Variants in PALD1 observed in about 807,000 individuals in gnomAD.
The protein encoded by PALD1 is paladin.
PALD1 carries 57 observed loss-of-function variants against 96.0 expected under a neutral mutation model. That is an observed-to-expected ratio of 0.59 (90% CI 0.48 to 0.74). The LOEUF is 0.74. Ranked by LOEUF, PALD1 falls within the 30% of genes least tolerant of loss-of-function variation. The probability of loss-of-function intolerance (pLI) is 0.00; values close to 1 mark genes in which losing one functional copy is unlikely to be tolerated. For missense variants in PALD1, 1,063 were observed against 1,143.7 expected, an observed-to-expected ratio of 0.93 and a Z score of 1.02; for synonymous variants, 464 against 473.6, an observed-to-expected ratio of 0.98 and a Z score of 0.26.
chr10:70,469,255 TC>T, the PALD1 span, among the ~76,000 whole-genome samples: 2 of 152,152 alleles, frequency 1.3e-5, no homozygotes, highest in Admixed American at 1.3e-4. Flanking sequence ...CCTTAAACCC[TC>T]CGAGGGGGCT....
Position 70,486,021 on chromosome 10 carries a change from C to T in PALD1, c.-30+6962C>T, listed in dbSNP as rs77045265. The T allele has an allele frequency of 6.4e-3, 1,421 of 221,138 alleles. 30 individuals carry two copies. Among genetic ancestry groups the T allele is most frequent in the African/African-American group, 0.031 (1,361 of 43,280 alleles). 13.7% of individuals were successfully genotyped at this position (221,138 alleles called of 1,614,324 possible). ...ATGAGGCAAGCTGTTGTTCTTGGGG[C>T]ATCATCTTATTTAATTTTTCTTGGC... On this transcript the variant is annotated intron_variant, in intron 1 of 19. Transcript: ENST00000263563.
At chr10:70,563,409 A>T (rs1847780362) in intron 18 of PALD1, among the ~76,000 whole-genome samples, 1 of 152,182 alleles carries the variant, frequency 6.6e-6, no homozygotes, top group African/African-American at 2.4e-5. Flanking sequence ...CTCTCTGGGA[A>T]ATCTCTCTTT....
At chr10:70,541,354 G>A (rs1847242260) in intron 16 of PALD1, 109 bp from the exon 17 acceptor site, 7 of 1,520,442 alleles carry the variant, frequency 4.6e-6, no homozygotes, top group Middle Eastern at 1.7e-4. Context: ...ACAGCCGGGT[G>A]TGGTCCCAGA....
intron 1 of PALD1, among the ~76,000 whole-genome samples, chr10:70,481,114 C>T (rs924622584): frequency 6.6e-5 from 10 of 152,278 alleles, no homozygotes; most frequent in South Asian, 6.2e-4. Flanking sequence ...AGAGCACAGA[C>T]GGGGATGGGA....
intron 1 of PALD1, among the ~76,000 whole-genome samples, chr10:70,491,575 C>G (rs970370014): frequency 6.6e-6 from 1 of 152,180 alleles, no homozygotes; most frequent in South Asian, 2.1e-4. Flanking sequence ...TTCAGATGAC[C>G]AGGGGATGCT....
chr10:70,504,530 TAACA>T (rs1229783914), intron 1 of PALD1, among the ~76,000 whole-genome samples: 1 of 152,138 alleles, frequency 6.6e-6, no homozygotes, highest in African/African-American at 2.4e-5. Flanking sequence ...CTCAGAAAAC[TAACA>T]AACAAAAACA....
At position 70,539,465 on chromosome 10, in the gene PALD1, G is replaced by C; in HGVS notation, c.1726-115G>C. 9.1e-7 allele frequency: 1 copy of C among 1,104,580 alleles called. No homozygotes were observed. The highest frequency in any genetic ancestry group is 1.3e-6 in the Non-Finnish European group (1 of 792,966). The allele number at this position is 1,104,580 out of a possible 1,614,324, so 68.4% of individuals were successfully genotyped here. On this transcript the variant is annotated intron_variant, in intron 14 of 19. Transcript: ENST00000263563. This position sits in a 1 kb window ranked among gnomAD's most constrained non-coding sequence, Gnocchi z 4.5. ...GCTGTGACCCCTGAGGCTTGGGGGGGTCAGGGATGGGACTGGAAGCCAGGG... is the reference window on the plus strand; with the variant it reads ...GCTGTGACCCCTGAGGCTTGGGGGGCTCAGGGATGGGACTGGAAGCCAGGG...
intron 1 of PALD1, among the ~76,000 whole-genome samples, chr10:70,484,708 T>G (rs1235765564): frequency 6.6e-6 from 1 of 152,122 alleles, no homozygotes; most frequent in Non-Finnish European, 1.5e-5. Context: ...CTGGCTAATT[T>G]TTGTGTTTTT....
At chr10:70,497,363 G>GA (rs1429063533) in intron 1 of PALD1, among the ~76,000 whole-genome samples, 3 of 152,212 alleles carry the variant, frequency 2.0e-5, no homozygotes, top group Non-Finnish European at 4.4e-5. Flanking sequence ...CCTGTCTGGG[G>GA]CCGGCGCATG....
Position 70,532,710 on chromosome 10 carries a change from C to T in PALD1, c.723C>T (p.Ile241=), listed in dbSNP as rs145425283. The T allele has an allele frequency of 6.2e-7, 1 of 1,614,078 alleles. No individual in the cohort carries two copies. Among genetic ancestry groups the T allele is most frequent in the African/African-American group, 1.3e-5 (1 of 74,924 alleles). The change falls in exon 6 of 20, where the codon ATC becomes ATT. Residue 241 remains isoleucine, a synonymous_variant. Transcript: ENST00000263563. ...DLWGEPHAVA[I]HGEDDLHVTE... ...GGGGGGAGCCCCATGCTGTGGCCAT[C>T]CATGGTGAGGACGACTTGCATGTGA...
chr10:70,480,504 G>T (rs1302921125), intron 1 of PALD1, among the ~76,000 whole-genome samples: 2 of 152,208 alleles, frequency 1.3e-5, no homozygotes, highest in Non-Finnish European at 2.9e-5. Context: ...GGTGGGCACA[G>T]TAGGGCCCAG....
chr10:70,507,994 C>T lies in PALD1; in HGVS notation c.-29-17929C>T, dbSNP rs547508136. 6.6e-5 allele frequency among the ~76,000 whole-genome samples: 10 copies of T among 152,164 alleles called. No homozygotes were observed. The South Asian group carries it at 1.2e-3, about 19-fold the overall frequency. ...GGGAGACCCCTGTGGTGGGAAGGCA[C>T]GGAGGGGAGGATAAGGAAGCCTCCT... On this transcript the variant is annotated intron_variant, in intron 1 of 19. Transcript: ENST00000263563.
At position 70,557,930 on chromosome 10, in the gene PALD1, C is replaced by CTT. The variant is rs781513750; in HGVS notation, c.2263-6415_2263-6414dup. The stretch of plus-strand genomic sequence containing the variant: ...CTGAACCTGGCCTTGTTGGCTCTTC[C>CTT]TTTTTTTTTTTTTTTTTTTTAGAGA... On this transcript the variant is annotated intron_variant, in intron 18 of 19. Coordinates refer to ENST00000263563, the MANE Select transcript of PALD1 (RefSeq NM_014431.3). 1.2e-3 allele frequency among the ~76,000 whole-genome samples: 109 copies of CTT among 92,876 alleles called. 3 individuals are homozygous for CTT. Among genetic ancestry groups the CTT allele is most frequent in the East Asian group, 3.6e-3 (14 of 3,872 alleles). The allele number at this position is 92,876 out of a possible 152,430, so 60.9% of individuals were successfully genotyped here. A position where few individuals can be genotyped will look rare whatever the true frequency, so the allele number is the denominator to read the frequency against.
chr10:70,478,725 G>C (rs925127340), upstream of PALD1: 1 of 152,034 alleles, frequency 6.6e-6, no homozygotes, highest in African/African-American at 2.4e-5. Flanking sequence ...GTCCGGGCGG[G>C]GGCGGGCGCG....
At chr10:70,542,305 A>G (rs1477045867) in intron 17 of PALD1, among the ~76,000 whole-genome samples, 1 of 152,212 alleles carries the variant, frequency 6.6e-6, no homozygotes, top group Non-Finnish European at 1.5e-5. Context: ...CATAAAATGT[A>G]CCATTTCAAC....
chr10:70,555,059 C>T (rs1589218008), intron 18 of PALD1, among the ~76,000 whole-genome samples: 1 of 130,120 alleles, frequency 7.7e-6, no homozygotes, highest in Non-Finnish European at 1.6e-5. Flanking sequence ...GCAATTTCTG[C>T]CTCCCAGGTT....
intron 1 of PALD1, among the ~76,000 whole-genome samples, chr10:70,525,064 C>T (rs1413435421): frequency 2.0e-5 from 3 of 152,048 alleles, no homozygotes; most frequent in African/African-American, 7.2e-5. Flanking sequence ...TGGAGTGGCT[C>T]GATCTCTGTT....
chr10:70,507,273 A>G (rs1460191650), intron 1 of PALD1, among the ~76,000 whole-genome samples: 1 of 150,822 alleles, frequency 6.6e-6, no homozygotes, highest in Non-Finnish European at 1.5e-5. Context: ...TTAGCCGGGC[A>G]TGGTGGCGGG....
At chr10:70,534,113 G>A in intron 8 of PALD1, 40 bp downstream of exon 8, 1 of 1,521,726 alleles carries the variant, frequency 6.6e-7, no homozygotes, top group Non-Finnish European at 8.8e-7. Flanking sequence ...GGGCTGTGGG[G>A]CCGAGGAGGG....
Sources: gnomAD v4.1 joint callset for allele counts (sites outside exome capture counted in the v4.1 genomes callset) on GRCh38, gnomAD v4.1.1 for gene constraint, Gnocchi (gnomAD v3.1) non-coding constraint, MANE v1.5 for transcripts, NCBI Gene and HGNC (gene_info 2026-07-23, HGNC 2026-07-21) for gene names.